The following SIPA1L3 variants were observed in gnomAD, a reference collection of about 807,000 sequenced individuals.
SIPA1L3 encodes signal-induced proliferation-associated 1-like protein 3.
SIPA1L3 carries 59 observed loss-of-function variants against 150.1 expected under a neutral mutation model. The observed-to-expected ratio is 0.39, with a 90% confidence interval of 0.32 to 0.49. The LOEUF is 0.49. SIPA1L3 is among the 20% of genes least tolerant of loss of function. The pLI, the probability that SIPA1L3 is intolerant of heterozygous loss-of-function variation, is 0.86. For synonymous variants in SIPA1L3, 1,070 were observed against 1,077.6 expected (o/e 0.99, Z 0.14); for missense variants, 2,211 against 2,489.5 (o/e 0.89, Z 2.38).
In SIPA1L3 at chr19:38,193,532, C is replaced by T. The variant is rs1448386148; in HGVS notation, c.4597-5C>T. 2.0e-6 allele frequency: 3 copies of T among 1,469,266 alleles called. No individual in the cohort carries two copies. The highest frequency in any genetic ancestry group is 2.7e-6 in the Non-Finnish European group (3 of 1,118,674). 91.0% of individuals were successfully genotyped at this position (1,469,266 alleles called of 1,614,324 possible). A position where few individuals can be genotyped will look rare whatever the true frequency, so the allele number is the denominator to read the frequency against. On this transcript the variant is annotated splice_region_variant and splice_polypyrimidine_tract_variant and intron_variant, in intron 17 of 21. Transcript: ENST00000222345. Reference sequence around the variant, plus strand: ...CTCCCCCAACATCCCACCCACGCCCCACAGCAGTCACCGCAGAAGGGCCTG... The same window carrying T: ...CTCCCCCAACATCCCACCCACGCCCTACAGCAGTCACCGCAGAAGGGCCTG...
chr19:37,916,786 C>T (rs1293164375), intron 1 of SIPA1L3, among the ~76,000 whole-genome samples: 1 of 152,042 alleles, frequency 6.6e-6, no homozygotes, highest in East Asian at 1.9e-4. Context: ...ATGGTGAAAT[C>T]CCATCTCTAC....
At chr19:38,003,673 C>G (rs917297678) in intron 1 of SIPA1L3, among the ~76,000 whole-genome samples, 2 of 152,186 alleles carry the variant, frequency 1.3e-5, no homozygotes, top group African/African-American at 4.8e-5. Flanking sequence ...AGCCCAGGAG[C>G]CTCCTCCCGA....
chr19:38,190,552 A>G (rs1277467163), intron 16 of SIPA1L3, among the ~76,000 whole-genome samples: 1 of 152,198 alleles, frequency 6.6e-6, no homozygotes, highest in Non-Finnish European at 1.5e-5. Flanking sequence ...CAGCTGAGAA[A>G]CAGAAAAAGG....
chr19:38,092,770 G>A (rs934073661), intron 4 of SIPA1L3, among the ~76,000 whole-genome samples: 1 of 152,060 alleles, frequency 6.6e-6, no homozygotes, highest in Non-Finnish European at 1.5e-5. Context: ...GAACACCTTA[G>A]CAAATTATGC....
intron 2 of SIPA1L3, among the ~76,000 whole-genome samples, chr19:38,065,445 C>T (rs982578251): frequency 1.4e-5 from 2 of 141,414 alleles, no homozygotes; most frequent in Admixed American, 7.6e-5. Context: ...GATGGACTTT[C>T]GCTGTTATTG....
intron 12 of SIPA1L3, among the ~76,000 whole-genome samples, chr19:38,143,683 C>T (rs1971644466): frequency 6.6e-6 from 1 of 151,586 alleles, no homozygotes; most frequent in South Asian, 2.1e-4. Context: ...GGACTACAGG[C>T]TCTCGCCACC....
At chr19:38,130,844 A>T (rs959138316) in intron 10 of SIPA1L3, 72 bp downstream of exon 10, 35 of 1,501,702 alleles carry the variant, frequency 2.3e-5, no homozygotes, top group Non-Finnish European at 3.2e-5. Context: ...CCTCCCTGGC[A>T]CTGTCACTTG....
intron 1 of SIPA1L3, among the ~76,000 whole-genome samples, chr19:38,026,251 C>G (rs1224337546): frequency 1.3e-5 from 2 of 152,210 alleles, no homozygotes; most frequent in Admixed American, 1.3e-4. Context: ...CAGCCCCTAG[C>G]AGCTCCACTA....
At chr19:37,918,893 A>C (rs1294369753) in intron 1 of SIPA1L3, among the ~76,000 whole-genome samples, 2 of 147,876 alleles carry the variant, frequency 1.4e-5, no homozygotes, top group African/African-American at 5.1e-5. Flanking sequence ...TAAATAAATA[A>C]ATAAATAAAT....
At chr19:38,055,486 A>G (rs747454903) in intron 2 of SIPA1L3, among the ~76,000 whole-genome samples, 3 of 152,238 alleles carry the variant, frequency 2.0e-5, no homozygotes, top group Non-Finnish European at 2.9e-5. Flanking sequence ...AAAAGGTCCC[A>G]TCCCCCATCC....
intron 2 of SIPA1L3, among the ~76,000 whole-genome samples, chr19:38,072,867 A>G (rs532723498): frequency 6.6e-6 from 1 of 152,312 alleles, no homozygotes; most frequent in African/African-American, 2.4e-5. Context: ...GCCCTCACAG[A>G]GTTGGGCCTT....
chr19:38,068,197 TC>T (rs1969640007), intron 2 of SIPA1L3, among the ~76,000 whole-genome samples: 1 of 151,680 alleles, frequency 6.6e-6, no homozygotes, highest in African/African-American at 2.4e-5. Flanking sequence ...TGATTTTTTT[TC>T]TTCATATTTT....
At chr19:38,018,557 G>A (rs1968292675) in intron 1 of SIPA1L3, among the ~76,000 whole-genome samples, 1 of 152,082 alleles carries the variant, frequency 6.6e-6, no homozygotes, top group South Asian at 2.1e-4. Flanking sequence ...TCAACATCAT[G>A]TTTTCATGGC....
chr19:37,911,554 G>A (rs1418543615), intron 1 of SIPA1L3, among the ~76,000 whole-genome samples: 2 of 151,048 alleles, frequency 1.3e-5, no homozygotes, highest in East Asian at 2.0e-4. Context: ...TATCGCCCAG[G>A]CTGGAGTGCA....
chr19:38,050,198 GT>G (rs1969157138), intron 2 of SIPA1L3, among the ~76,000 whole-genome samples: 1 of 152,244 alleles, frequency 6.6e-6, no homozygotes, highest in African/African-American at 2.4e-5. Context: ...GCTCACGCCT[GT>G]AATCCCAACA....
intron 1 of SIPA1L3, among the ~76,000 whole-genome samples, chr19:37,937,193 C>T (rs949237372): frequency 2.0e-5 from 3 of 152,098 alleles, no homozygotes; most frequent in Non-Finnish European, 4.4e-5. Flanking sequence ...GGCCTTTGGA[C>T]ACACAGAATT....
intron 1 of SIPA1L3, among the ~76,000 whole-genome samples, chr19:37,940,358 T>A (rs1020241732): frequency 3.3e-5 from 5 of 152,152 alleles, no homozygotes; most frequent in African/African-American, 1.2e-4. Flanking sequence ...TCTGTTTTCT[T>A]CTATATCCAC....
At chr19:38,161,044 T>G (rs536339415) in intron 13 of SIPA1L3, among the ~76,000 whole-genome samples, 2 of 152,228 alleles carry the variant, frequency 1.3e-5, no homozygotes, top group South Asian at 2.1e-4. Flanking sequence ...TCCATTTTTG[T>G]TTTTTAAAAA....
Position 38,142,566 on chromosome 19 carries a change from C to A in SIPA1L3, c.3396-7C>A, listed in dbSNP as rs747521272. 1 of 1,604,406 alleles carries A rather than the reference C, an allele frequency of 6.2e-7. No individual in the cohort carries two copies. The highest frequency in any genetic ancestry group is 1.3e-5 in the African/African-American group (1 of 74,754). Reference sequence around the variant, plus strand: ...CTCTGCCTCCTTCCTCCCCTGTCTCCTTCTAGGCCTGTCAGCTTCCCAGAA... The same window carrying A: ...CTCTGCCTCCTTCCTCCCCTGTCTCATTCTAGGCCTGTCAGCTTCCCAGAA... On this transcript the variant is annotated splice_region_variant and splice_polypyrimidine_tract_variant and intron_variant, in intron 11 of 21. Coordinates refer to ENST00000222345, the MANE Select transcript of SIPA1L3 (RefSeq NM_015073.3).
Sources: allele counts gnomAD v4.1 joint callset (sites outside exome capture counted in the v4.1 genomes callset), GRCh38; gene constraint gnomAD v4.1.1; transcripts MANE v1.5; gene names NCBI Gene and HGNC (gene_info 2026-07-23, HGNC 2026-07-21).